FMN1: variants seen among roughly 807,000 people sequenced by gnomAD.
FMN1 encodes formin 1, also known as formin-1.
Under a neutral mutation model 132.4 loss-of-function variants are expected in FMN1, and 110 were observed. That is an observed-to-expected ratio of 0.83 (90% CI 0.71 to 0.97). The LOEUF is 0.97. Ranked by LOEUF, FMN1 falls within the 50% of genes least tolerant of loss-of-function variation. The pLI is 0.00. For synonymous variants in FMN1, 722 were observed against 651.7 expected (o/e 1.11, Z -1.64); for missense variants, 1,792 against 1,705.3 (o/e 1.05, Z -0.90).
intron 13 of FMN1, among the ~76,000 whole-genome samples, chr15:32,901,378 A>G (rs961733517): frequency 2.0e-5 from 3 of 152,236 alleles, no homozygotes; most frequent in Non-Finnish European, 4.4e-5. Flanking sequence ...CCTTAAGAGC[A>G]TGGGTCAACT....
intron 5 of FMN1, chr15:33,066,836 T>C (rs1025977980): frequency 6.2e-7 from 1 of 1,613,976 alleles, no homozygotes; most frequent in Non-Finnish European, 8.5e-7. Context: ...CATGTCAATG[T>C]TGAGCAGCAG....
intron 5 of FMN1, among the ~76,000 whole-genome samples, chr15:33,077,483 T>C (rs1393254135): frequency 6.6e-6 from 1 of 151,868 alleles, no homozygotes; most frequent in Non-Finnish European, 1.5e-5. Context: ...TCATTTACCT[T>C]AGGTATATCT....
intron 4 of FMN1, among the ~76,000 whole-genome samples, chr15:33,101,865 A>G (rs1249463060): frequency 1.3e-5 from 2 of 152,112 alleles, no homozygotes; most frequent in South Asian, 2.1e-4. Context: ...ATCCCCATCT[A>G]TAACCCCACA....
intron 6 of FMN1, among the ~76,000 whole-genome samples, chr15:33,054,786 TTA>T (rs201545321): frequency 0.016 from 2,368 of 152,324 alleles, 50 homozygotes; most frequent in South Asian, 0.088. Flanking sequence ...GTGAAAGCTT[TTA>T]TGTCTCAGTT....
chr15:33,093,014 T>C (rs1374710159), intron 4 of FMN1, among the ~76,000 whole-genome samples: 1 of 152,228 alleles, frequency 6.6e-6, no homozygotes, highest in East Asian at 1.9e-4. Context: ...AGAATATACA[T>C]ATAAAAATAT....
chr15:33,056,758 TACTATAGGGG>T (rs2037235627), intron 6 of FMN1, among the ~76,000 whole-genome samples: 1 of 152,212 alleles, frequency 6.6e-6, no homozygotes, highest in Non-Finnish European at 1.5e-5. Context: ...TACAATGGAA[TACTATAGGGG>T]AATGAAAATA....
At chr15:33,165,547 C>T (rs1024313223) in intron 3 of FMN1, among the ~76,000 whole-genome samples, 10 of 152,128 alleles carry the variant, frequency 6.6e-5, no homozygotes, top group Non-Finnish European at 1.2e-4. Flanking sequence ...CCCGCCACCA[C>T]GCCCGGCTAA....
At chr15:32,876,082 C>T (rs374403679) in intron 16 of FMN1, among the ~76,000 whole-genome samples, 2 of 152,152 alleles carry the variant, frequency 1.3e-5, no homozygotes, top group African/African-American at 4.8e-5. Context: ...CAGGAAATAT[C>T]AAGGATACTT....
At chr15:33,053,633 C>T (rs1294141052) in intron 6 of FMN1, among the ~76,000 whole-genome samples, 1 of 152,130 alleles carries the variant, frequency 6.6e-6, no homozygotes, top group South Asian at 2.1e-4. Flanking sequence ...CAATACTCCC[C>T]ATCTCAAGTT....
rs564941680 is a variant in FMN1, at chr15:32,831,633, A to G, written c.3928+25382T>C. ...TGAGACTCCCTAGACCACAGGAAAA[A>G]TCTTTTGTGGGAATAGTAAGCTTGG... On this transcript the variant is annotated intron_variant, in intron 17 of 20. Coordinates refer to ENST00000616417, the MANE Select transcript of FMN1 (RefSeq NM_001277313.2). 7.8e-4 allele frequency among the ~76,000 whole-genome samples: 118 copies of G among 152,184 alleles called. No individual in the cohort carries two copies. The South Asian group carries it at 0.024, about 31-fold the overall frequency.
intron 7 of FMN1, among the ~76,000 whole-genome samples, chr15:33,002,034 T>C (rs755058503): frequency 1.4e-4 from 21 of 152,316 alleles, no homozygotes; most frequent in Non-Finnish European, 2.9e-4. Flanking sequence ...TTCAAGTGTA[T>C]GGTTAAAACA....
chr15:32,775,895 A>G (rs1281238451), intron 20 of FMN1, among the ~76,000 whole-genome samples: 1 of 152,228 alleles, frequency 6.6e-6, no homozygotes, highest in East Asian at 1.9e-4. Context: ...CAGAGAGGAC[A>G]GAGTTTGAAA....
chr15:32,866,067 G>A (rs776989379), intron 16 of FMN1, among the ~76,000 whole-genome samples: 8 of 151,274 alleles, frequency 5.3e-5, no homozygotes, highest in Admixed American at 1.3e-4. Context: ...ATCACACAAC[G>A]GGGCCTGTTG....
chr15:33,151,339 G>A lies in FMN1; in HGVS notation c.1867+1709C>T, dbSNP rs1461421332. On this transcript the variant is annotated intron_variant, in intron 4 of 20. Transcript: ENST00000616417. ...CACAGGAGATGCTTACAGTTCTTATGACTGGTTCCTGAAAGTGCTGCTGAA... is the reference window on the plus strand; with the variant it reads ...CACAGGAGATGCTTACAGTTCTTATAACTGGTTCCTGAAAGTGCTGCTGAA... 3 of 1,536,532 alleles carry A rather than the reference G, an allele frequency of 2.0e-6. No individual in the cohort carries two copies. The highest frequency in any genetic ancestry group is 2.0e-5 in the Admixed American group (1 of 50,988).
At chr15:33,101,904 G>A (rs1396856322) in intron 4 of FMN1, among the ~76,000 whole-genome samples, 1 of 152,028 alleles carries the variant, frequency 6.6e-6, no homozygotes, top group African/African-American at 2.4e-5. Context: ...GCTGTACTGG[G>A]CTGCTTTCCA....
At chr15:32,924,871 G>A (rs1254967230) in intron 10 of FMN1, among the ~76,000 whole-genome samples, 3 of 152,132 alleles carry the variant, frequency 2.0e-5, no homozygotes, top group East Asian at 1.9e-4. Flanking sequence ...CCGAGATCAC[G>A]CCACTGCACT....
chr15:32,938,025 T>C (rs192405052), intron 9 of FMN1, among the ~76,000 whole-genome samples: 60 of 152,192 alleles, frequency 3.9e-4, no homozygotes, highest in Non-Finnish European at 7.8e-4. Context: ...GAGGAGAATG[T>C]ATTGGAAGTA....
At chr15:33,124,545 C>G (rs950339010) in intron 4 of FMN1, among the ~76,000 whole-genome samples, 2 of 32,138 alleles carry the variant, frequency 6.2e-5, no homozygotes, top group Admixed American at 1.0e-3. Context: ...TAATGTGTAG[C>G]CAGGGTTGAG....
chr15:32,795,889 T>C (rs896399664), intron 19 of FMN1, among the ~76,000 whole-genome samples: 3 of 152,196 alleles, frequency 2.0e-5, no homozygotes, highest in African/African-American at 7.2e-5. Context: ...CACGACACAG[T>C]AGATTACTCT....
Sources: gnomAD v4.1 joint callset for allele counts (sites outside exome capture counted in the v4.1 genomes callset) on GRCh38, gnomAD v4.1.1 for gene constraint, MANE v1.5 for transcripts, NCBI Gene and HGNC (gene_info 2026-07-23, HGNC 2026-07-21) for gene names.